GNPTAB: variants seen among roughly 807,000 people sequenced by gnomAD.
The protein encoded by GNPTAB is N-acetylglucosamine-1-phosphate transferase subunits alpha and beta, also known as N-acetylglucosamine-1-phosphotransferase subunits alpha/beta.
Under a neutral mutation model 136.6 loss-of-function variants are expected in GNPTAB, and 92 were observed. The ratio of observed to expected loss-of-function variants is 0.67; its 90% CI spans 0.57 to 0.80. The LOEUF is 0.80. Among genes scored for constraint, GNPTAB ranks in the 30% least tolerant of loss-of-function variants. The pLI is 0.00. For synonymous variants in GNPTAB, 512 were observed against 535.1 expected (o/e 0.96, Z 0.60); for missense variants, 1,343 against 1,501.8 (o/e 0.89, Z 1.75).
chr12:101,766,151 A>T lies in GNPTAB; in HGVS notation c.1552T>A (p.Phe518Ile). The T allele has an allele frequency of 6.2e-7, 1 of 1,614,128 alleles. No individual in the cohort carries two copies. The highest frequency in any genetic ancestry group is 8.5e-7 in the Non-Finnish European group (1 of 1,180,014). Reference protein sequence around the residue: ...GCANSWLADKFCDQACNVLSC... With the variant: ...GCANSWLADKICDQACNVLSC... ...AAGACATTGCATGCTTGGTCACAGA[A>T]CTTATCAGCGAGCCAGGAATTCGCA... The change falls in exon 12 of 21, where the codon TTC becomes ATC. Residue 518 changes from phenylalanine (F) to isoleucine (I), a missense_variant. Physicochemically the swap from Phe to Ile is conservative, Grantham distance 21. Transcript: ENST00000299314.
At chr12:101,794,324 AT>A (rs935568423) in intron 2 of GNPTAB, among the ~76,000 whole-genome samples, 1 of 151,994 alleles carries the variant, frequency 6.6e-6, no homozygotes, top group African/African-American at 2.4e-5. Flanking sequence ...ATGGAATGGG[AT>A]TTTTTTCATT....
intron 19 of GNPTAB, among the ~76,000 whole-genome samples, chr12:101,751,647 G>C (rs1028606900): frequency 6.6e-6 from 1 of 152,192 alleles, no homozygotes; most frequent in African/African-American, 2.4e-5. Context: ...ACTTCAGCTG[G>C]AGCAAGTTAC....
chr12:101,785,110 C>G (rs1868557299), intron 5 of GNPTAB, among the ~76,000 whole-genome samples: 1 of 152,236 alleles, frequency 6.6e-6, no homozygotes, highest in Admixed American at 6.5e-5. Context: ...AGTCTGAGAT[C>G]AGAGTGCCAG....
intron 1 of GNPTAB, among the ~76,000 whole-genome samples, chr12:101,828,244 A>G (rs913841308): frequency 9.2e-5 from 14 of 152,198 alleles, no homozygotes; most frequent in Non-Finnish European, 1.5e-5. Context: ...ATCCTCATCA[A>G]CCCTGCAAGG....
At chr12:101,824,570 G>A (rs377681184) in intron 1 of GNPTAB, among the ~76,000 whole-genome samples, 1 of 149,832 alleles carries the variant, frequency 6.7e-6, no homozygotes, top group Non-Finnish European at 1.5e-5. Context: ...GGGTTCAAGC[G>A]ATTCTCCTGC....
Position 101,786,038 on chromosome 12 carries a change from A to T in GNPTAB, c.545T>A (p.Val182Asp), listed in dbSNP as rs281864958. 2 of 1,613,612 alleles carry T rather than the reference A, an allele frequency of 1.2e-6. No individual in the cohort carries two copies. The highest frequency in any genetic ancestry group is 1.7e-6 in the Non-Finnish European group (2 of 1,179,488). The stretch of plus-strand genomic sequence containing the variant: ...ATCCTTAGTACTGTCAAAAACAACA[A>T]CTGAGACATTGGTAGAAGGGTTTTT... ...KPKNPSTNVS[V>D]VVFDSTKDVE... Residue 182 changes from valine to aspartate, a missense_variant, in exon 5 of 21, where the codon GTT (valine) becomes GAT (aspartate). Physicochemically the swap from Val to Asp is radical, Grantham distance 152. Transcript: ENST00000299314.
rs764229793 is a variant in GNPTAB, at chr12:101,761,588, A to C, written c.2891T>G (p.Ile964Ser). 6.2e-7 allele frequency: 1 copy of C among 1,614,134 alleles called. No individual in the cohort carries two copies. The highest frequency in any genetic ancestry group is 1.7e-5 in the Admixed American group (1 of 60,022). ...PAHMPHMIDR[I>S]VMQELQDMFP... ...CATATCTTGCAGTTCTTGCATAACA[A>C]TCCGGTCAATCATGTGAGGCATGTG... Residue 964 changes from isoleucine (I) to serine (S), a missense_variant, in exon 14 of 21, where the codon ATT becomes AGT. Transcript: ENST00000299314.
rs73394440 is a variant in GNPTAB, at chr12:101,819,830, T to C, written c.117+10729A>G. ...ATATATAATCTATTATAGTTACACCTGTTATATTTTAGAAGGAACTATAGG... is the reference window on the plus strand; with the variant it reads ...ATATATAATCTATTATAGTTACACCCGTTATATTTTAGAAGGAACTATAGG... On this transcript the variant is annotated intron_variant, in intron 1 of 20. Coordinates refer to ENST00000299314, the MANE Select transcript of GNPTAB (RefSeq NM_024312.5). 6.5e-3 allele frequency among the ~76,000 whole-genome samples: 986 copies of C among 152,344 alleles called. 10 individuals are homozygous for C. Among genetic ancestry groups the C allele is most frequent in the African/African-American group, 0.022 (932 of 41,568 alleles).
chr12:101,762,345 A>C (rs569877812), intron 13 of GNPTAB, among the ~76,000 whole-genome samples: 37 of 152,342 alleles, frequency 2.4e-4, no homozygotes, highest in Non-Finnish European at 4.7e-4. Context: ...AAATGTAAGG[A>C]GACTGATATT....
chr12:101,764,019 CCTTCATAT>C (rs1280118389), intron 13 of GNPTAB, among the ~76,000 whole-genome samples, 175 bp downstream of exon 13: 1 of 152,128 alleles, frequency 6.6e-6, no homozygotes, highest in Non-Finnish European at 1.5e-5. Flanking sequence ...ATAATAAATA[CCTTCATAT>C]GACATTTTTT....
At chr12:101,775,494 G>C (rs1953250252) in intron 7 of GNPTAB, among the ~76,000 whole-genome samples, 2 of 151,750 alleles carry the variant, frequency 1.3e-5, no homozygotes, top group African/African-American at 2.4e-5. Flanking sequence ...CGAGTAGCTG[G>C]GATTACAGGC....
chr12:101,804,602 T>G (rs1869837498), intron 1 of GNPTAB, among the ~76,000 whole-genome samples: 1 of 152,214 alleles, frequency 6.6e-6, no homozygotes, highest in Non-Finnish European at 1.5e-5. Flanking sequence ...AGTCATTATT[T>G]AAAACGTAAA....
chr12:101,757,192 T>C lies in GNPTAB; in HGVS notation c.3434+20A>G, dbSNP rs1233643619. The C allele has an allele frequency of 1.6e-6, 2 of 1,271,594 alleles. No homozygotes were observed. Among genetic ancestry groups the C allele is most frequent in the Non-Finnish European group, 2.3e-6 (2 of 872,334 alleles). 78.8% of individuals were successfully genotyped at this position (1,271,594 alleles called of 1,614,324 possible). A position where few individuals can be genotyped will look rare whatever the true frequency, so the allele number is the denominator to read the frequency against. On this transcript the variant is annotated intron_variant, in intron 18 of 20. Coordinates refer to ENST00000299314, the MANE Select transcript of GNPTAB (RefSeq NM_024312.5). Reference sequence around the variant, plus strand: ...TCAGGTTTATTTGCATAATTAAAAATTATATATAAAAATCAGTACCTAGGG... The same window carrying C: ...TCAGGTTTATTTGCATAATTAAAAACTATATATAAAAATCAGTACCTAGGG...
Position 101,766,293 on chromosome 12 carries a change from T to G in GNPTAB, c.1410A>C (p.Gly470=), listed in dbSNP as rs1436941337. 1.2e-6 allele frequency: 2 copies of G among 1,612,756 alleles called. No individual in the cohort carries two copies. The highest frequency in any genetic ancestry group is 8.5e-7 in the Non-Finnish European group (1 of 1,178,922). Residue 470 remains glycine (G), a splice_region_variant and synonymous_variant, in exon 12 of 21, where the codon GGA becomes GGC. Coordinates refer to ENST00000299314, the MANE Select transcript of GNPTAB (RefSeq NM_024312.5). The part of the protein sequence containing the change: ...ACDWDGGDCS[G]NSGGSRYIAG... ...CAATATAGCGACTCCCTCCACTGTT[T>G]CCTGTAGATCGGAGGAAGAAGAGGG...
Position 101,771,151 on chromosome 12 carries a change from A to T in GNPTAB, c.778T>A (p.Leu260Met). The change falls in exon 8 of 21, where the codon TTG becomes ATG. Residue 260 changes from leucine to methionine, a missense_variant. Transcript: ENST00000299314. ...AGCGCTACACTGGCCTCTGAATACAACTGCAACTATCAAATAACAAGAGGA... is the reference window on the plus strand; with the variant it reads ...AGCGCTACACTGGCCTCTGAATACATCTGCAACTATCAAATAACAAGAGGA... Reference protein sequence around the residue: ...NLSSKVKLLQLYSEASVALLK... With the variant: ...NLSSKVKLLQMYSEASVALLK... The T allele has an allele frequency of 1.2e-6, 2 of 1,613,394 alleles. No homozygotes were observed. Among genetic ancestry groups the T allele is most frequent in the Non-Finnish European group, 1.7e-6 (2 of 1,179,312 alleles).
rs756120463 is a variant in GNPTAB, at chr12:101,749,172, A to G, written c.3622T>C (p.Leu1208=). The part of the protein sequence containing the change: ...LQEWRAYRDK[L]KFWTHCVLAT... ...AGTACACAATGGGTCCAAAACTTCA[A>G]TTTGTCTCGATAAGCCCTCCTGTGC... Residue 1208 remains leucine, a synonymous_variant, in exon 20 of 21, where the codon TTG becomes CTG. Coordinates refer to ENST00000299314, the MANE Select transcript of GNPTAB (RefSeq NM_024312.5). The G allele has an allele frequency of 1.9e-6, 3 of 1,609,640 alleles. No homozygotes were observed. The highest frequency in any genetic ancestry group is 2.2e-5 in the East Asian group (1 of 44,742).
At chr12:101,803,629 G>T (rs541846488) in intron 1 of GNPTAB, among the ~76,000 whole-genome samples, 2 of 152,054 alleles carry the variant, frequency 1.3e-5, no homozygotes, top group African/African-American at 4.8e-5. Flanking sequence ...ATTCTCTACC[G>T]CAATAGACAC....
intron 7 of GNPTAB, 54 bp downstream of exon 7, chr12:101,780,098 C>G: frequency 6.5e-7 from 1 of 1,534,480 alleles, no homozygotes; most frequent in Non-Finnish European, 9.0e-7. Context: ...AGAAAAGAAT[C>G]ACACATTAAA....
intron 7 of GNPTAB, among the ~76,000 whole-genome samples, chr12:101,774,745 C>T (rs1262417476): frequency 1.3e-5 from 2 of 152,152 alleles, no homozygotes; most frequent in Admixed American, 1.3e-4. Context: ...TTCAACAGTT[C>T]GTTCTACTGT....
Sources: gnomAD v4.1 joint callset for allele counts (sites outside exome capture counted in the v4.1 genomes callset) on GRCh38, gnomAD v4.1.1 for gene constraint, MANE v1.5 for transcripts, NCBI Gene and HGNC (gene_info 2026-07-23, HGNC 2026-07-21) for gene names.